PCDHA2: variants seen among roughly 807,000 people sequenced by gnomAD.
PCDHA2 encodes the protein protocadherin alpha 2.
Under a neutral mutation model 66.0 loss-of-function variants are expected in PCDHA2, and 58 were observed. The observed-to-expected ratio is 0.88, with a 90% CI of 0.71 to 1.09. PCDHA2 has a LOEUF of 1.09. Ranked by LOEUF, PCDHA2 falls within the 50% of genes least tolerant of loss-of-function variation. The pLI, the probability that PCDHA2 is intolerant of heterozygous loss-of-function variation, is 0.00. For synonymous variants in PCDHA2, 634 were observed against 554.0 expected, an observed-to-expected ratio of 1.14 and a Z score of -2.03; for missense variants, 1,267 against 1,242.3, an observed-to-expected ratio of 1.02 and a Z score of -0.30.
At chr5:140,805,107 T>A in intron 1 of PCDHA2, 2 of 1,590,884 alleles carry the variant, frequency 1.3e-6, no homozygotes, top group Non-Finnish European at 8.5e-7. Context: ...GAAACTATTG[T>A]CTAACAAGAC....
intron 1 of PCDHA2, among the ~76,000 whole-genome samples, chr5:140,942,026 A>G (rs1394001505): frequency 6.6e-6 from 1 of 152,194 alleles, no homozygotes; most frequent in Non-Finnish European, 1.5e-5. Flanking sequence ...GGAAAAAATA[A>G]TTCATAAACC....
intron 1 of PCDHA2, chr5:140,829,247 A>T: frequency 1.2e-6 from 2 of 1,614,250 alleles, no homozygotes; most frequent in Non-Finnish European, 1.7e-6. Context: ...CGGGCAGGTG[A>T]ACTGCTCGCT....
intron 1 of PCDHA2, chr5:140,850,572 C>T: frequency 6.3e-7 from 1 of 1,598,416 alleles, no homozygotes; most frequent in South Asian, 1.1e-5. Flanking sequence ...CGAGGTGACG[C>T]TGGTGGATGT....
At chr5:140,842,290 G>A (rs2150333533) in intron 1 of PCDHA2, 1 of 1,610,202 alleles carries the variant, frequency 6.2e-7, no homozygotes, top group South Asian at 1.1e-5. Flanking sequence ...TTGACGCCAC[G>A]GACAAAGGCC....
chr5:140,949,978 C>T (rs557456282), intron 1 of PCDHA2, among the ~76,000 whole-genome samples: 1 of 151,916 alleles, frequency 6.6e-6, no homozygotes, highest in East Asian at 1.9e-4. Context: ...AGCATACATA[C>T]TTAACTTTTC....
At chr5:140,898,466 T>C (rs1331469917) in intron 1 of PCDHA2, among the ~76,000 whole-genome samples, 1 of 152,202 alleles carries the variant, frequency 6.6e-6, no homozygotes, top group Admixed American at 6.5e-5. Context: ...CCATTGCTTG[T>C]TTTTCTCAGG....
chr5:140,905,864 A>C (rs265313), intron 1 of PCDHA2, among the ~76,000 whole-genome samples: 7,097 of 152,260 alleles, frequency 0.047, 295 homozygotes, highest in African/African-American at 0.11. Context: ...AACTCACACA[A>C]TCACAAGGCC....
chr5:140,801,218 A>G (rs1554121317), intron 1 of PCDHA2: 4 of 1,606,572 alleles, frequency 2.5e-6, no homozygotes, highest in East Asian at 4.5e-5. Context: ...CCTGGCGAGA[A>G]GATCCTGGAG....
chr5:140,882,174 CG>C, intron 1 of PCDHA2: 1 of 1,514,752 alleles, frequency 6.6e-7, no homozygotes, highest in South Asian at 1.4e-5. Flanking sequence ...CGAATCCTTC[CG>C]CACTAGGAAG....
At chr5:140,803,219 G>A (rs781822960) in intron 1 of PCDHA2, 12 of 1,613,838 alleles carry the variant, frequency 7.4e-6, no homozygotes, top group Admixed American at 1.7e-5. Context: ...AGAGTGGCCA[G>A]GCACCCAAGG....
rs764735564 is a variant in PCDHA2, at chr5:140,871,304, G to A, written c.2388+73952G>A. On this transcript the variant is annotated intron_variant, in intron 1 of 3. Transcript: ENST00000526136. ...CCCACTGAGGGCGCGTGCGCGCCGG[G>A]GAAGCCCACGCTGGTGTGCTCCCGC... 4.3e-6 allele frequency: 7 copies of A among 1,613,850 alleles called. No individual in the cohort carries two copies. In the East Asian group the frequency reaches 1.3e-4, roughly 31 times the overall value.
intron 1 of PCDHA2, among the ~76,000 whole-genome samples, chr5:140,945,249 T>C (rs1181677082): frequency 6.6e-6 from 1 of 152,050 alleles, no homozygotes; most frequent in African/African-American, 2.4e-5. Flanking sequence ...ACCAAGAGGA[T>C]GAAAGACCTG....
chr5:140,966,645 C>T (rs369620766), intron 1 of PCDHA2: 7 of 1,125,658 alleles, frequency 6.2e-6, no homozygotes, highest in Non-Finnish European at 8.2e-6. Flanking sequence ...CTTTCTAGAG[C>T]GTGAGCGGTG....
Position 140,801,281 on chromosome 5 carries a change from C to G in PCDHA2, c.2388+3929C>G, listed in dbSNP as rs150081104. ...TCCTCGCAGCCTCGGAGGTGGGGAG[C>G]GGCCAGCTCCACTACTCCGTCTCTG... On this transcript the variant is annotated intron_variant, in intron 1 of 3. Coordinates refer to ENST00000526136, the MANE Select transcript of PCDHA2 (RefSeq NM_018905.3). 1.6e-4 allele frequency: 253 copies of G among 1,613,542 alleles called. 1 individual carries two copies. The African/African-American group carries it at 2.9e-3, about 19-fold the overall frequency.
At chr5:140,852,822 T>C in intron 1 of PCDHA2, 1 of 971,316 alleles carries the variant, frequency 1.0e-6, no homozygotes, top group East Asian at 1.1e-4. Flanking sequence ...CCCTAAGTCC[T>C]CCAGTCTCCT....
intron 1 of PCDHA2, chr5:140,869,517 A>G: frequency 6.2e-7 from 1 of 1,614,200 alleles, no homozygotes; most frequent in Non-Finnish European, 8.5e-7. Flanking sequence ...TCAGAGAACA[A>G]AAGCTGCTGA....
intron 1 of PCDHA2, chr5:140,850,875 G>T: frequency 6.3e-7 from 1 of 1,590,472 alleles, no homozygotes; most frequent in Non-Finnish European, 8.6e-7. Flanking sequence ...TGCTTCCTCA[G>T]ATTCAACTGG....
chr5:140,843,876 C>A, intron 1 of PCDHA2: 1 of 763,300 alleles, frequency 1.3e-6, no homozygotes, highest in African/African-American at 1.8e-5. Flanking sequence ...TTCTCAGTGG[C>A]ATAATACAGT....
intron 1 of PCDHA2, chr5:140,817,082 C>T (rs1396398614): frequency 6.6e-6 from 1 of 152,236 alleles, no homozygotes; most frequent in Non-Finnish European, 1.5e-5. Context: ...TGAGGAGCAT[C>T]AGCCCGCCAC....
Sources: allele counts gnomAD v4.1 joint callset (sites outside exome capture counted in the v4.1 genomes callset), GRCh38; gene constraint gnomAD v4.1.1; transcripts MANE v1.5; gene names NCBI Gene and HGNC (gene_info 2026-07-23, HGNC 2026-07-21).